COL4A2: variants seen among roughly 807,000 people sequenced by gnomAD.
COL4A2 encodes collagen type IV alpha 2 chain, also known as collagen alpha-2(IV) chain.
A neutral mutation model predicts 200.2 loss-of-function variants in COL4A2; 99 were observed. That is an observed-to-expected ratio of 0.49 (90% CI 0.42 to 0.58). The LOEUF is 0.58. Ranked by LOEUF, COL4A2 falls within the 20% of genes least tolerant of loss-of-function variation. COL4A2 has a pLI of 0.00. For synonymous variants in COL4A2, 897 were observed against 900.6 expected (o/e 1.00, Z 0.07); for missense variants, 1,950 against 2,314.1 (o/e 0.84, Z 3.23).
intron 20 of COL4A2, among the ~76,000 whole-genome samples, chr13:110,451,220 A>T (rs566113673): frequency 6.6e-6 from 1 of 152,354 alleles, no homozygotes; most frequent in Admixed American, 6.5e-5. Flanking sequence ...CTGTCAGAAA[A>T]GGCTGTTCTT....
At chr13:110,323,800 C>G (rs1388352080) in intron 3 of COL4A2, among the ~76,000 whole-genome samples, 1 of 152,212 alleles carries the variant, frequency 6.6e-6, no homozygotes, top group Non-Finnish European at 1.5e-5. Context: ...ACACAATAGA[C>G]AGAGCTGGTG....
chr13:110,389,796 G>A (rs1878918403), intron 4 of COL4A2, among the ~76,000 whole-genome samples: 1 of 151,804 alleles, frequency 6.6e-6, no homozygotes, highest in Admixed American at 6.6e-5. Context: ...ACCAAGATAA[G>A]CATTCACTGC....
intron 4 of COL4A2, among the ~76,000 whole-genome samples, chr13:110,408,218 G>A (rs1207508443): frequency 6.6e-6 from 1 of 152,218 alleles, no homozygotes; most frequent in Admixed American, 6.5e-5. Flanking sequence ...GGGCAGCTGT[G>A]CTGGGGCCAC....
rs927459902 is a variant in COL4A2 at position 110,462,518 on chromosome 13, C to T, written c.1776+134C>T. 22 of 758,514 alleles carry T rather than the reference C, an allele frequency of 2.9e-5. No homozygotes were observed. In the African/African-American group the frequency reaches 3.0e-4, roughly 10 times the overall value. The allele number at this position is 758,514 out of a possible 1,614,324, so 47.0% of individuals were successfully genotyped here. On this transcript the variant is annotated intron_variant, in intron 24 of 47. Coordinates refer to ENST00000360467, the MANE Select transcript of COL4A2 (RefSeq NM_001846.4). ...CATAGGACAGGCTGCTCATTCTGCTCATTCTATTTCTAATGAGCAGAAATC... is the reference window on the plus strand; with the variant it reads ...CATAGGACAGGCTGCTCATTCTGCTTATTCTATTTCTAATGAGCAGAAATC...
At chr13:110,465,200 C>T (rs191369145) in intron 24 of COL4A2, among the ~76,000 whole-genome samples, 85 of 152,258 alleles carry the variant, frequency 5.6e-4, no homozygotes, top group Non-Finnish European at 9.3e-4. Flanking sequence ...AACCGGCTTC[C>T]GTGGCATTGC....
chr13:110,494,621 G>A (rs541423141), intron 39 of COL4A2, among the ~76,000 whole-genome samples: 3 of 151,730 alleles, frequency 2.0e-5, no homozygotes, highest in South Asian at 4.2e-4. Context: ...GAAGAATGGC[G>A]TGAACCCGGG....
At chr13:110,461,530 T>A (rs9521785) in intron 22 of COL4A2, among the ~76,000 whole-genome samples, 1 of 151,946 alleles carries the variant, frequency 6.6e-6, no homozygotes, top group Non-Finnish European at 1.5e-5. Context: ...ATTTATTTAT[T>A]TATTTTTGGA....
chr13:110,483,828 A>G (rs1484429491), intron 32 of COL4A2, among the ~76,000 whole-genome samples: 5 of 152,240 alleles, frequency 3.3e-5, no homozygotes, highest in Admixed American at 6.5e-5. Flanking sequence ...AGTGTTCTCA[A>G]GTTAGACGGT....
chr13:110,438,597 G>C, intron 14 of COL4A2, 21 bp from the exon 15 acceptor site: 1 of 1,614,144 alleles, frequency 6.2e-7, no homozygotes, highest in Non-Finnish European at 8.5e-7. Context: ...TGCTCCTTAC[G>C]CCCCCTCTGC....
intron 21 of COL4A2, among the ~76,000 whole-genome samples, chr13:110,457,903 T>C (rs1185736173): frequency 6.6e-6 from 1 of 152,040 alleles, no homozygotes; most frequent in African/African-American, 2.4e-5. Flanking sequence ...GGGTCTCCCT[T>C]CCCGTTGATG....
intron 4 of COL4A2, among the ~76,000 whole-genome samples, chr13:110,358,944 ATG>A (rs975800560): frequency 6.6e-6 from 1 of 152,168 alleles, no homozygotes; most frequent in African/African-American, 2.4e-5. Flanking sequence ...GTGTGTTTGC[ATG>A]TGTGTATATA....
intron 40 of COL4A2, among the ~76,000 whole-genome samples, chr13:110,497,307 T>TC (rs1457168549): frequency 2.0e-5 from 3 of 150,062 alleles, no homozygotes; most frequent in Non-Finnish European, 3.0e-5. Context: ...CAGCACAGCC[T>TC]CACTCAGGGG....
At chr13:110,500,157 C>G (rs916778376) in intron 40 of COL4A2, among the ~76,000 whole-genome samples, 11 of 152,246 alleles carry the variant, frequency 7.2e-5, no homozygotes, top group African/African-American at 2.4e-4. Context: ...AAGGGAAAAT[C>G]TCTTCCTGCT....
chr13:110,507,271 T>C (rs1883919098), intron 46 of COL4A2, among the ~76,000 whole-genome samples: 1 of 152,146 alleles, frequency 6.6e-6, no homozygotes, highest in South Asian at 2.1e-4. Flanking sequence ...CATTCCTGCC[T>C]GTGCGCCCCG....
Position 110,449,694 on chromosome 13 carries a change from C to A in COL4A2, c.1094C>A (p.Pro365Gln). ...TCCCTTCCAGGTGCCAGAGGTGACCCGGGATTCCCAGGGGCCCAAGGGGAG... is the reference window on the plus strand; with the variant it reads ...TCCCTTCCAGGTGCCAGAGGTGACCAGGGATTCCCAGGGGCCCAAGGGGAG... Reference protein sequence around the residue: ...PSLAKGARGDPGFPGAQGEPG... With the variant: ...PSLAKGARGDQGFPGAQGEPG... Residue 365 changes from proline (P) to glutamine (Q), a missense_variant, in exon 19 of 48, where the codon CCG (proline) becomes CAG (glutamine). By Grantham distance (76) the Pro-to-Gln change is moderately conservative (BLOSUM62 -1). Transcript: ENST00000360467. 2 of 1,548,710 alleles carry A rather than the reference C, an allele frequency of 1.3e-6. No individual in the cohort carries two copies. The highest frequency in any genetic ancestry group is 1.7e-6 in the Non-Finnish European group (2 of 1,145,404).
intron 3 of COL4A2, among the ~76,000 whole-genome samples, chr13:110,324,738 G>A (rs1210359562): frequency 1.3e-5 from 2 of 152,202 alleles, no homozygotes; most frequent in Non-Finnish European, 2.9e-5. Flanking sequence ...CCTCGGGATT[G>A]TTTCTGCCTT....
intron 4 of COL4A2, among the ~76,000 whole-genome samples, chr13:110,413,817 GATGTGGGACCCTCAGC>G (rs767989665): frequency 6.6e-6 from 1 of 152,188 alleles, no homozygotes; most frequent in Non-Finnish European, 1.5e-5. Context: ...CCGGGACTGT[GATGTGGGACCCTCAGC>G]ATGTGGGACC....
rs1319931085 is a variant in COL4A2 at position 110,482,676 on chromosome 13, ACATCCTCCTTACCTGGTCATGGTGG to A, written c.2902+31_2902+55del. ...GTTTTAAAGGTATGTCCCTCTCTTA[ACATCCTCCTTACCTGGTCATGGTGG>A]CATCCTCCTTACCCTTTCTTGGTGG... On this transcript the variant is annotated intron_variant, in intron 32 of 47. Coordinates refer to ENST00000360467, the MANE Select transcript of COL4A2 (RefSeq NM_001846.4). 1.2e-6 allele frequency: 2 copies of A among 1,611,158 alleles called. No homozygotes were observed. The highest frequency in any genetic ancestry group is 1.7e-6 in the Non-Finnish European group (2 of 1,177,918).
intron 3 of COL4A2, among the ~76,000 whole-genome samples, chr13:110,320,474 T>C (rs1227622226): frequency 6.6e-6 from 1 of 152,242 alleles, no homozygotes; most frequent in Non-Finnish European, 1.5e-5. Context: ...AGATTAGTCA[T>C]GCTGGTGCTT....
Sources: allele counts gnomAD v4.1 joint callset (sites outside exome capture counted in the v4.1 genomes callset), GRCh38; gene constraint gnomAD v4.1.1; transcripts MANE v1.5; gene names NCBI Gene and HGNC (gene_info 2026-07-23, HGNC 2026-07-21).